The following TRAPPC9 variants were observed in gnomAD, a reference collection of about 807,000 sequenced individuals.
TRAPPC9 encodes trafficking protein particle complex subunit 9.
TRAPPC9 carries 83 observed loss-of-function variants against 124.0 expected under a neutral mutation model. The ratio of observed to expected loss-of-function variants is 0.67; its 90% CI spans 0.56 to 0.80. TRAPPC9 has a LOEUF of 0.80. Among genes scored for constraint, TRAPPC9 ranks in the 30% least tolerant of loss-of-function variants. TRAPPC9 has a pLI of 0.00. For synonymous variants in TRAPPC9, 638 were observed against 617.5 expected (o/e 1.03, Z -0.49); for missense variants, 1,302 against 1,508.3 (o/e 0.86, Z 2.27).
At chr8:139,789,482 A>G (rs1822504140) in intron 21 of TRAPPC9, among the ~76,000 whole-genome samples, 1 of 152,036 alleles carries the variant, frequency 6.6e-6, no homozygotes, top group South Asian at 2.1e-4. Flanking sequence ...CCCCCCCAGG[A>G]TATCTACATC....
intron 21 of TRAPPC9, among the ~76,000 whole-genome samples, chr8:139,799,635 A>G (rs891161876): frequency 1.3e-5 from 2 of 152,124 alleles, no homozygotes; most frequent in Non-Finnish European, 2.9e-5. Flanking sequence ...CCCCCCATGA[A>G]AATTCCGTGC....
intron 20 of TRAPPC9, 123 bp downstream of exon 20, chr8:139,910,024 C>T (rs1831615701): frequency 8.6e-7 from 1 of 1,164,946 alleles, no homozygotes; most frequent in Non-Finnish European, 1.2e-6. Context: ...ATCTCCTTGC[C>T]ACAGCATTTC....
intron 9 of TRAPPC9, among the ~76,000 whole-genome samples, chr8:140,327,486 A>T (rs1006581009): frequency 6.6e-6 from 1 of 152,240 alleles, no homozygotes; most frequent in African/African-American, 2.4e-5. Context: ...AGCATTCACA[A>T]TGGCCAAAAG....
At chr8:139,970,237 C>A (rs549975382) in intron 19 of TRAPPC9, among the ~76,000 whole-genome samples, 1 of 152,218 alleles carries the variant, frequency 6.6e-6, no homozygotes, top group Non-Finnish European at 1.5e-5. Context: ...CCAGCTCTGC[C>A]GCCTGACGCT....
intron 19 of TRAPPC9, among the ~76,000 whole-genome samples, chr8:139,948,505 G>A (rs1834421510): frequency 6.6e-6 from 1 of 152,214 alleles, no homozygotes; most frequent in Non-Finnish European, 1.5e-5. Context: ...AAGACAGAGG[G>A]GCAGGCAGGA....
chr8:140,278,316 G>A (rs1021642372), intron 14 of TRAPPC9, among the ~76,000 whole-genome samples: 1 of 152,146 alleles, frequency 6.6e-6, no homozygotes, highest in East Asian at 1.9e-4. Flanking sequence ...ATGTTGGCCA[G>A]GCCGGTCTCG....
chr8:140,248,761 G>C (rs917010146), intron 16 of TRAPPC9, among the ~76,000 whole-genome samples: 1 of 152,042 alleles, frequency 6.6e-6, no homozygotes, highest in African/African-American at 2.4e-5. Context: ...CTATTTTGTG[G>C]GTGAAAAGTT....
Position 140,366,691 on chromosome 8 carries a change from C to T in TRAPPC9, c.1351+4273G>A, listed in dbSNP as rs570159394. Among the ~76,000 whole-genome samples the T allele has an allele frequency of 2.6e-5, 4 of 152,140 alleles. No individual in the cohort carries two copies. The South Asian group carries it at 8.3e-4, about 32-fold the overall frequency. ...AATGTTATATCTTTAGATAAAACAC[C>T]CAAGGTATAACCCATCAAAGAAAGA... is the stretch of plus-strand genomic sequence containing the variant. On this transcript the variant is annotated intron_variant, in intron 8 of 22. Transcript: ENST00000438773.
intron 17 of TRAPPC9, among the ~76,000 whole-genome samples, chr8:140,026,897 A>G (rs1457911435): frequency 1.3e-5 from 2 of 152,150 alleles, no homozygotes; most frequent in African/African-American, 4.8e-5. Flanking sequence ...TTCAAGGATC[A>G]TATTTTGGCC....
intron 17 of TRAPPC9, among the ~76,000 whole-genome samples, chr8:140,197,645 A>C (rs1461294392): frequency 6.6e-6 from 1 of 152,152 alleles, no homozygotes; most frequent in Non-Finnish European, 1.5e-5. Flanking sequence ...ACGTATTGAC[A>C]TTTGGGCCAC....
At chr8:140,059,673 G>T (rs1322599776) in intron 17 of TRAPPC9, among the ~76,000 whole-genome samples, 1 of 152,138 alleles carries the variant, frequency 6.6e-6, no homozygotes, top group Non-Finnish European at 1.5e-5. Context: ...GAAAATCTGT[G>T]ACATTGAGCA....
intron 15 of TRAPPC9, among the ~76,000 whole-genome samples, chr8:140,272,874 C>A (rs545853106): frequency 8.6e-5 from 13 of 150,450 alleles, no homozygotes; most frequent in Non-Finnish European, 1.3e-4. Flanking sequence ...CCCCACCAGA[C>A]CCCCCTCCAA....
chr8:140,215,535 A>G (rs2063170887), intron 17 of TRAPPC9, among the ~76,000 whole-genome samples: 1 of 151,866 alleles, frequency 6.6e-6, no homozygotes, highest in Non-Finnish European at 1.5e-5. Context: ...AGTCCCAGCT[A>G]CTTGGGAGGC....
intron 15 of TRAPPC9, among the ~76,000 whole-genome samples, chr8:140,270,989 T>C (rs1212598258): frequency 1.3e-5 from 2 of 152,204 alleles, no homozygotes; most frequent in African/African-American, 2.4e-5. Flanking sequence ...TAATGAATAA[T>C]GGGCACACGA....
intron 17 of TRAPPC9, among the ~76,000 whole-genome samples, chr8:140,033,687 T>TTTG (rs1563707012): frequency 1.1e-4 from 13 of 119,430 alleles, no homozygotes; most frequent in East Asian, 4.7e-4. Context: ...TTTTTTTTTT[T>TTTG]TTTTTTTTTT....
intron 21 of TRAPPC9, among the ~76,000 whole-genome samples, chr8:139,743,913 T>A (rs1462937207): frequency 6.6e-6 from 1 of 152,230 alleles, no homozygotes; most frequent in Non-Finnish European, 1.5e-5. Flanking sequence ...ACTGACCTTT[T>A]CACTTTGGCT....
intron 15 of TRAPPC9, among the ~76,000 whole-genome samples, chr8:140,264,611 GGAGA>G (rs142320121): frequency 7.5e-6 from 1 of 133,470 alleles, no homozygotes; most frequent in African/African-American, 3.0e-5. Context: ...GAGGGGGAAG[GGAGA>G]GAGAGAGAGA....
chr8:140,242,515 G>C lies in TRAPPC9; in HGVS notation c.2431+10262C>G, dbSNP rs558752633. On this transcript the variant is annotated intron_variant, in intron 16 of 22. Coordinates refer to ENST00000438773, the MANE Select transcript of TRAPPC9 (RefSeq NM_001160372.4). The stretch of plus-strand genomic sequence containing the variant: ...TTGCCACCAAAGGAAACACAGAAAG[G>C]TGAGCCCGTCTGGAGAGAATGACAA... Among the ~76,000 whole-genome samples the C allele has an allele frequency of 8.7e-4, 133 of 152,296 alleles. 1 individual carries two copies. The highest frequency in any genetic ancestry group is 2.2e-3 in the Admixed American group (33 of 15,298).
rs73359156 is a variant in TRAPPC9 at position 140,078,541 on chromosome 8, A to C, written c.2557-54462T>G. On this transcript the variant is annotated intron_variant, in intron 17 of 22. Coordinates refer to ENST00000438773, the MANE Select transcript of TRAPPC9 (RefSeq NM_001160372.4). ...TGGGGCAGGGATGAATGGATGGAAA[A>C]GAGCTTCCTAGGTGGGGAAAGGAAA... Among the ~76,000 whole-genome samples, 588 of 152,278 alleles carry C rather than the reference A, an allele frequency of 3.9e-3. 6 individuals are homozygous for C. The highest frequency in any genetic ancestry group is 0.013 in the African/African-American group (555 of 41,564).
Sources: gnomAD v4.1 joint callset for allele counts (sites outside exome capture counted in the v4.1 genomes callset) on GRCh38, gnomAD v4.1.1 for gene constraint, MANE v1.5 for transcripts, NCBI Gene and HGNC (gene_info 2026-07-23, HGNC 2026-07-21) for gene names.